The following ECE1 variants were observed in gnomAD, a reference collection of about 807,000 sequenced individuals.
The protein encoded by ECE1 is endothelin-converting enzyme 1.
Under a neutral mutation model 98.6 loss-of-function variants are expected in ECE1, and 35 were observed. The ratio of observed to expected loss-of-function variants is 0.35; its 90% CI spans 0.27 to 0.47. The LOEUF is 0.47. ECE1 is among the 20% of genes least tolerant of loss of function. ECE1 has a pLI of 1.00. For missense variants in ECE1, 814 were observed against 1,025.3 expected (o/e 0.79, Z 2.81); for synonymous variants, 394 against 407.1 (o/e 0.97, Z 0.39).
At position 21,219,850 on chromosome 1, in the gene ECE1, A is replaced by T; in HGVS notation, c.*105T>A. On this transcript the variant is annotated 3_prime_UTR_variant, in exon 19 of 19. Coordinates refer to ENST00000374893, the MANE Select transcript of ECE1 (RefSeq NM_001397.3). This position sits in a 1 kb window ranked among gnomAD's most constrained non-coding sequence, Gnocchi z 4.5. ...TGAAAACCCGCCAGTGTGAGGAAGC[A>T]GGGCCCCGGGTGGCCAAGCGGGCTG... 1.4e-6 allele frequency: 2 copies of T among 1,452,260 alleles called. No homozygotes were observed. The highest frequency in any genetic ancestry group is 1.9e-6 in the Non-Finnish European group (2 of 1,053,536). 90.0% of individuals were successfully genotyped at this position (1,452,260 alleles called of 1,614,324 possible). A position where few individuals can be genotyped will look rare whatever the true frequency, so the allele number is the denominator to read the frequency against.
Position 21,330,224 on chromosome 1 carries a change from T to C in ECE1, c.3+15152A>G, listed in dbSNP as rs1473137846. On this transcript the variant is annotated intron_variant, in intron 1 of 18. Coordinates refer to the ECE1 transcript ENST00000415912. ...GGCTCCTGCCCACATACTCGCCAAA[T>C]ACTTTTTTTTTTTTTTTTTTTTTTT... Among the ~76,000 whole-genome samples, 23 of 109,794 alleles carry C rather than the reference T, an allele frequency of 2.1e-4. No homozygotes were observed. In the Admixed American group the frequency reaches 2.1e-3, roughly 10 times the overall value. The allele number at this position is 109,794 out of a possible 152,430, so 72.0% of individuals were successfully genotyped here.
In ECE1 at chr1:21,245,911, C is replaced by T. The variant is rs754849636; in HGVS notation, c.1164-808G>A. ...CTTTCCCTCCTCTCTCCTGCCCTCC[C>T]CCATGCTTTCTCTCTACATATGCAC... On this transcript the variant is annotated intron_variant, in intron 9 of 18. Coordinates refer to ENST00000374893, the MANE Select transcript of ECE1 (RefSeq NM_001397.3). 3.3e-5 allele frequency among the ~76,000 whole-genome samples: 5 copies of T among 152,054 alleles called. No individual in the cohort carries two copies. The South Asian group carries it at 8.3e-4, about 25-fold the overall frequency.
chr1:21,234,868 T>C (rs979800686), intron 13 of ECE1, among the ~76,000 whole-genome samples: 1 of 152,200 alleles, frequency 6.6e-6, no homozygotes, highest in Non-Finnish European at 1.5e-5. Context: ...CTGCCCAGGA[T>C]GCCTCCAGAG....
intron 11 of ECE1, among the ~76,000 whole-genome samples, chr1:21,237,123 A>T (rs1301937226): frequency 6.6e-6 from 1 of 152,114 alleles, no homozygotes; most frequent in Non-Finnish European, 1.5e-5. Context: ...TACTTTTCAG[A>T]GCCTTTAATA....
intron 2 of ECE1, among the ~76,000 whole-genome samples, chr1:21,282,909 G>C (rs111463028): frequency 1.3e-5 from 2 of 150,280 alleles, no homozygotes; most frequent in African/African-American, 4.9e-5. Flanking sequence ...ATTCTATTTT[G>C]ATAGTGCAAT....
At position 21,329,022 on chromosome 1, in the gene ECE1, T is replaced by G. The variant is rs533435280; in HGVS notation, c.3+16354A>C. Among the ~76,000 whole-genome samples the G allele has an allele frequency of 3.9e-5, 6 of 152,194 alleles. No homozygotes were observed. In the South Asian group the frequency reaches 1.2e-3, roughly 32 times the overall value. ...CTCTAGACTCCCACCTCCCTTTGCA[T>G]CCATTCCCCCTACCAGGCGATGTTC... On this transcript the variant is annotated intron_variant, in intron 1 of 18. Coordinates refer to the ECE1 transcript ENST00000415912.
chr1:21,230,258 T>C (rs2103224057), intron 14 of ECE1, among the ~76,000 whole-genome samples: 1 of 152,296 alleles, frequency 6.6e-6, no homozygotes. Context: ...AATTAACCTT[T>C]AAAAAATTAT....
At chr1:21,309,335 G>C (rs1638666923) in intron 1 of ECE1, among the ~76,000 whole-genome samples, 1 of 152,234 alleles carries the variant, frequency 6.6e-6, no homozygotes. Flanking sequence ...GACCTTGAGT[G>C]AGTTACTTAA....
chr1:21,345,478 C>A lies in ECE1; in HGVS notation c.-100G>T, dbSNP rs956564542. On this transcript the variant is annotated 5_prime_UTR_variant, in exon 1 of 19. Transcript: ENST00000415912. This position sits in a 1 kb window ranked among gnomAD's most constrained non-coding sequence, Gnocchi z 5.1. Reference sequence around the variant, plus strand: ...TCCCAGCCCAGCTGCTCGGACGGCTCGGCTGCCTGGCCCAGGCGGCGCGCT... The same window carrying A: ...TCCCAGCCCAGCTGCTCGGACGGCTAGGCTGCCTGGCCCAGGCGGCGCGCT... 6 of 1,123,838 alleles carry A rather than the reference C, an allele frequency of 5.3e-6. No homozygotes were observed. The highest frequency in any genetic ancestry group is 4.0e-5 in the Admixed American group (1 of 24,930). The allele number at this position is 1,123,838 out of a possible 1,614,324, so 69.6% of individuals were successfully genotyped here.
At chr1:21,255,920 C>A (rs1389524729) in intron 8 of ECE1, 27 bp downstream of exon 8, 1 of 1,612,950 alleles carries the variant, frequency 6.2e-7, no homozygotes, top group Admixed American at 1.7e-5. Flanking sequence ...CCATCCCAGC[C>A]TCCCTAGCAG....
chr1:21,315,530 A>C (rs1638812584), intron 1 of ECE1, among the ~76,000 whole-genome samples: 1 of 152,162 alleles, frequency 6.6e-6, no homozygotes, highest in East Asian at 1.9e-4. Flanking sequence ...ATGGGGGCTC[A>C]GGTTTGTAGT....
chr1:21,293,390 G>A (rs1342939230), upstream of ECE1: 2 of 152,092 alleles, frequency 1.3e-5, no homozygotes, highest in Non-Finnish European at 2.9e-5. Flanking sequence ...TTTTAGACAG[G>A]AGAACCCTGA....
chr1:21,259,116 T>C (rs962282278), intron 5 of ECE1, among the ~76,000 whole-genome samples: 4 of 152,142 alleles, frequency 2.6e-5, no homozygotes, highest in African/African-American at 9.7e-5. Context: ...GAAAGAGACT[T>C]TTCCCGGTTC....
At chr1:21,321,487 G>C (rs934776609) in intron 1 of ECE1, among the ~76,000 whole-genome samples, 2 of 152,150 alleles carry the variant, frequency 1.3e-5, no homozygotes, top group Non-Finnish European at 2.9e-5. Flanking sequence ...CCAGTGCAGT[G>C]GCCCATGGGT....
At chr1:21,264,279 T>C (rs921990880) in intron 4 of ECE1, among the ~76,000 whole-genome samples, 3 of 151,318 alleles carry the variant, frequency 2.0e-5, no homozygotes, top group Non-Finnish European at 2.9e-5. Flanking sequence ...GAACTCCTTT[T>C]AGTCCAAATA....
intron 1 of ECE1, among the ~76,000 whole-genome samples, chr1:21,343,389 T>C (rs1379983302): frequency 6.6e-6 from 1 of 152,068 alleles, no homozygotes; most frequent in Non-Finnish European, 1.5e-5. Flanking sequence ...GACCAGCAAA[T>C]AGGTGGCCTC....
chr1:21,264,882 T>A (rs1391660291), intron 4 of ECE1, among the ~76,000 whole-genome samples: 3 of 152,164 alleles, frequency 2.0e-5, no homozygotes, highest in Non-Finnish European at 4.4e-5. Context: ...CTCTTCCCCA[T>A]GGCTGGCTGG....
chr1:21,335,111 G>A (rs1218221767), intron 1 of ECE1, among the ~76,000 whole-genome samples: 2 of 151,944 alleles, frequency 1.3e-5, no homozygotes, highest in Non-Finnish European at 2.9e-5. Context: ...GGCCACACCA[G>A]CGTTCACCCC....
rs2098165967 is a variant in ECE1, at chr1:21,220,516, T to A, written c.2137-385A>T. On this transcript the variant is annotated intron_variant, in intron 18 of 18. Transcript: ENST00000374893. The surrounding 1 kb of genome is among the most constrained non-coding windows in gnomAD (Gnocchi z 5.0). ...CCTGTCTCAAAAAGCAAAACAAGGT[T>A]GGGTGTGGTGGCTCATACCTGTAAT... Among the ~76,000 whole-genome samples the A allele has an allele frequency of 6.6e-6, 1 of 151,276 alleles. No individual in the cohort carries two copies. The highest frequency in any genetic ancestry group is 2.4e-5 in the African/African-American group (1 of 41,160).
Sources: gnomAD v4.1 joint callset for allele counts (sites outside exome capture counted in the v4.1 genomes callset) on GRCh38, gnomAD v4.1.1 for gene constraint, Gnocchi (gnomAD v3.1) non-coding constraint, MANE v1.5 for transcripts, NCBI Gene and HGNC (gene_info 2026-07-23, HGNC 2026-07-21) for gene names.